The following KANSL1L variants were observed in gnomAD, a reference collection of about 807,000 sequenced individuals.
KANSL1L encodes KAT8 regulatory NSL complex subunit 1 like.
A neutral mutation model predicts 108.6 loss-of-function variants in KANSL1L; 25 were observed. The observed-to-expected ratio is 0.23, with a 90% CI of 0.17 to 0.32. KANSL1L has a LOEUF of 0.32. Ranked by LOEUF, KANSL1L falls within the 10% of genes least tolerant of loss-of-function variation. The pLI is 1.00. For missense variants in KANSL1L, 1,137 were observed against 1,125.7 expected (o/e 1.01, Z -0.14); for synonymous variants, 405 against 395.1 (o/e 1.03, Z -0.30).
intron 10 of KANSL1L, chr2:210,029,299 A>G (rs2093982160): frequency 4.7e-6 from 1 of 212,556 alleles, no homozygotes; most frequent in Non-Finnish European, 9.2e-6. Context: ...GTCAATGAAA[A>G]TGATCAGTAA....
At chr2:210,105,943 A>G (rs2125441304) in intron 3 of KANSL1L, among the ~76,000 whole-genome samples, 1 of 152,318 alleles carries the variant, frequency 6.6e-6, no homozygotes, top group East Asian at 1.9e-4. Context: ...CATTAGTCTG[A>G]AAAGCTCTTG....
At chr2:210,070,873 T>C (rs2094502834) in intron 6 of KANSL1L, among the ~76,000 whole-genome samples, 1 of 152,048 alleles carries the variant, frequency 6.6e-6, no homozygotes, top group Admixed American at 6.5e-5. Context: ...AAATAAAACA[T>C]ATGTAGCCGG....
chr2:210,029,095 GTC>G lies in KANSL1L; in HGVS notation c.2272-128_2272-127del. 1.3e-5 allele frequency: 10 copies of G among 796,324 alleles called. 1 individual carries two copies. The South Asian group carries it at 1.9e-4, about 15-fold the overall frequency. The allele number at this position is 796,324 out of a possible 1,614,324, so 49.3% of individuals were successfully genotyped here. On this transcript the variant is annotated intron_variant, in intron 10 of 14. Transcript: ENST00000281772. The stretch of plus-strand genomic sequence containing the variant: ...ATTTTTGTAAATACATTGTTATAAA[GTC>G]TGACTAAAAAATGTTAAGAAAACCA...
chr2:210,070,317 G>A (rs2094498323), intron 6 of KANSL1L, among the ~76,000 whole-genome samples: 1 of 120,982 alleles, frequency 8.3e-6, no homozygotes, highest in African/African-American at 3.2e-5. Context: ...TGCAAGCTCC[G>A]CCTCCCGGGT....
chr2:210,132,954 G>A (rs1254616847), intron 2 of KANSL1L, among the ~76,000 whole-genome samples: 1 of 152,180 alleles, frequency 6.6e-6, no homozygotes, highest in Non-Finnish European at 1.5e-5. Flanking sequence ...ATGTGGGAAA[G>A]TTTATAATTA....
In KANSL1L at chr2:210,129,813, AC is replaced by A. The variant is rs560266358; in HGVS notation, c.1089-642del. Among the ~76,000 whole-genome samples, 11 of 152,270 alleles carry A rather than the reference AC, an allele frequency of 7.2e-5. No individual in the cohort carries two copies. In the South Asian group the frequency reaches 2.3e-3, roughly 31 times the overall value. On this transcript the variant is annotated intron_variant, in intron 2 of 14. Coordinates refer to ENST00000281772, the MANE Select transcript of KANSL1L (RefSeq NM_152519.4). Reference sequence around the variant, plus strand: ...ACCTGATTCCTAGGATTCACAACCTACAGATCACAAAGAATTTACATAAAGC... The same window carrying A: ...ACCTGATTCCTAGGATTCACAACCTAAGATCACAAAGAATTTACATAAAGC...
intron 6 of KANSL1L, among the ~76,000 whole-genome samples, chr2:210,068,015 T>G (rs1166518879): frequency 1.3e-5 from 2 of 151,968 alleles, no homozygotes; most frequent in Non-Finnish European, 2.9e-5. Context: ...GTAGCTGGGA[T>G]TACAGGCGCC....
At chr2:210,047,895 G>C (rs950093624) in intron 6 of KANSL1L, among the ~76,000 whole-genome samples, 1 of 152,166 alleles carries the variant, frequency 6.6e-6, no homozygotes, top group Non-Finnish European at 1.5e-5. Context: ...GAGAGTATGA[G>C]CAGTTAAATC....
intron 4 of KANSL1L, among the ~76,000 whole-genome samples, chr2:210,103,492 A>G (rs1367399080): frequency 1.3e-5 from 2 of 152,182 alleles, no homozygotes; most frequent in African/African-American, 4.8e-5. Context: ...AAGTCCTAGA[A>G]ACTGAGTTTG....
intron 6 of KANSL1L, among the ~76,000 whole-genome samples, chr2:210,052,669 G>C (rs1005417306): frequency 6.6e-6 from 1 of 152,068 alleles, no homozygotes; most frequent in Admixed American, 6.5e-5. Flanking sequence ...CACAGCATTA[G>C]TTAACATTTA....
intron 8 of KANSL1L, among the ~76,000 whole-genome samples, chr2:210,039,966 C>T (rs1199514180): frequency 1.3e-5 from 2 of 151,590 alleles, no homozygotes; most frequent in Admixed American, 1.3e-4. Context: ...GTCATGTTTC[C>T]ATATGTGCTT....
intron 2 of KANSL1L, among the ~76,000 whole-genome samples, chr2:210,143,031 A>G (rs1226493059): frequency 1.3e-5 from 2 of 152,104 alleles, no homozygotes. Context: ...CATTATTGAA[A>G]GTGGGGTATT....
intron 1 of KANSL1L, chr2:210,170,344 C>T: frequency 1.0e-6 from 1 of 984,922 alleles, no homozygotes. Flanking sequence ...TACCACAGTT[C>T]AAACAAAAAA....
At chr2:210,129,661 C>A (rs1559584192) in intron 2 of KANSL1L, among the ~76,000 whole-genome samples, 1 of 151,896 alleles carries the variant, frequency 6.6e-6, no homozygotes, top group Admixed American at 6.6e-5. Flanking sequence ...TCGTTATTAG[C>A]TAATTATTTA....
intron 2 of KANSL1L, among the ~76,000 whole-genome samples, chr2:210,129,590 T>G (rs2095101277): frequency 6.6e-6 from 1 of 152,204 alleles, no homozygotes; most frequent in African/African-American, 2.4e-5. Context: ...TCTAAATCCA[T>G]GTAATAAACT....
chr2:210,096,031 A>C (rs1265124860), intron 5 of KANSL1L, among the ~76,000 whole-genome samples: 3 of 152,190 alleles, frequency 2.0e-5, no homozygotes, highest in Non-Finnish European at 4.4e-5. Flanking sequence ...AAATCTATCA[A>C]AACATTTTCA....
At chr2:210,086,880 A>G (rs1262666242) in intron 5 of KANSL1L, among the ~76,000 whole-genome samples, 1 of 152,084 alleles carries the variant, frequency 6.6e-6, no homozygotes, top group Non-Finnish European at 1.5e-5. Context: ...GAAGAACTGT[A>G]ACATTTCATT....
chr2:210,069,662 A>G (rs1374782710), intron 6 of KANSL1L, among the ~76,000 whole-genome samples: 1 of 152,112 alleles, frequency 6.6e-6, no homozygotes, highest in East Asian at 1.9e-4. Flanking sequence ...CTAGGGGAGA[A>G]TCCTTCCTTG....
intron 2 of KANSL1L, among the ~76,000 whole-genome samples, chr2:210,150,326 A>G (rs1393908412): frequency 6.6e-6 from 1 of 152,174 alleles, no homozygotes; most frequent in Non-Finnish European, 1.5e-5. Context: ...GAGGTACGTT[A>G]TTTAGTAAAA....
Sources: gnomAD v4.1 joint callset for allele counts (sites outside exome capture counted in the v4.1 genomes callset) on GRCh38, gnomAD v4.1.1 for gene constraint, MANE v1.5 for transcripts, NCBI Gene and HGNC (gene_info 2026-07-23, HGNC 2026-07-21) for gene names.